Variants in BRMS1L observed in about 807,000 individuals in gnomAD.
The protein encoded by BRMS1L is breast cancer metastasis-suppressor 1-like protein.
A neutral mutation model predicts 50.3 loss-of-function variants in BRMS1L; 23 were observed. The ratio of observed to expected loss-of-function variants is 0.46; its 90% CI spans 0.33 to 0.65. The LOEUF is 0.65. Ranked by LOEUF, BRMS1L falls within the 30% of genes least tolerant of loss-of-function variation. The pLI, the probability that BRMS1L is intolerant of heterozygous loss-of-function variation, is 0.02. For missense variants in BRMS1L, 286 were observed against 386.1 expected (o/e 0.74, Z 2.17); for synonymous variants, 114 against 126.9 (o/e 0.90, Z 0.69).
chr14:35,849,806 A>G (rs1452181860), intron 4 of BRMS1L, among the ~76,000 whole-genome samples: 1 of 150,326 alleles, frequency 6.7e-6, no homozygotes, highest in Non-Finnish European at 1.5e-5. Flanking sequence ...GGAGTTGAAT[A>G]TTTTCTTTCT....
At chr14:35,862,229 C>A (rs548968552) in intron 4 of BRMS1L, among the ~76,000 whole-genome samples, 3 of 152,104 alleles carry the variant, frequency 2.0e-5, no homozygotes, top group East Asian at 3.9e-4. Flanking sequence ...TAATGATATA[C>A]TTTATAGGAT....
At chr14:35,847,993 T>C (rs1407053921) in intron 4 of BRMS1L, among the ~76,000 whole-genome samples, 1 of 152,228 alleles carries the variant, frequency 6.6e-6, no homozygotes, top group Non-Finnish European at 1.5e-5. Flanking sequence ...TTTGCTGTTA[T>C]AAATGGTGCT....
intron 3 of BRMS1L, among the ~76,000 whole-genome samples, chr14:35,834,168 G>T (rs1437307309): frequency 6.6e-6 from 1 of 152,016 alleles, no homozygotes; most frequent in East Asian, 1.9e-4. Context: ...ACATTTCTAG[G>T]GCCAACTATG....
chr14:35,854,064 G>A (rs1035381989), intron 4 of BRMS1L, among the ~76,000 whole-genome samples: 1 of 152,072 alleles, frequency 6.6e-6, no homozygotes, highest in African/African-American at 2.4e-5. Flanking sequence ...CAGTATTTTA[G>A]TTCCATCTTG....
intron 4 of BRMS1L, among the ~76,000 whole-genome samples, chr14:35,861,617 C>T (rs975905825): frequency 6.6e-6 from 1 of 152,170 alleles, no homozygotes; most frequent in African/African-American, 2.4e-5. Context: ...TCCTTAGCAC[C>T]TGGCTTGCCT....
Position 35,861,848 on chromosome 14 carries a change from C to G in BRMS1L, c.442-742C>G, listed in dbSNP as rs541864308. Reference sequence around the variant, plus strand: ...ATATCCAATTATCTAATATCCTTCACTAGAGGTAAACATGTGGCCATAGGT... The same window carrying G: ...ATATCCAATTATCTAATATCCTTCAGTAGAGGTAAACATGTGGCCATAGGT... On this transcript the variant is annotated intron_variant, in intron 4 of 9. Transcript: ENST00000216807. Among the ~76,000 whole-genome samples, 5 of 152,286 alleles carry G rather than the reference C, an allele frequency of 3.3e-5. No individual in the cohort carries two copies. The East Asian group carries it at 9.6e-4, about 29-fold the overall frequency.
At chr14:35,868,272 G>T (rs202171171) in intron 9 of BRMS1L, among the ~76,000 whole-genome samples, 2 of 152,282 alleles carry the variant, frequency 1.3e-5, no homozygotes, top group East Asian at 3.9e-4. Context: ...AAATTATTTA[G>T]CCAGGTAGCT....
chr14:35,844,426 C>T (rs995488017), intron 4 of BRMS1L, among the ~76,000 whole-genome samples: 1 of 152,154 alleles, frequency 6.6e-6, no homozygotes, highest in African/African-American at 2.4e-5. Flanking sequence ...CATGGCTCCC[C>T]TTGGCTAGGG....
chr14:35,833,064 C>T lies in BRMS1L; in HGVS notation c.320C>T (p.Ala107Val), dbSNP rs1367245192. 5.6e-6 allele frequency: 9 copies of T among 1,613,220 alleles called. No homozygotes were observed. Among genetic ancestry groups the T allele is most frequent in the Non-Finnish European group, 7.6e-6 (9 of 1,179,514 alleles). The change falls in exon 3 of 10, where the codon GCA becomes GTA. Residue 107 changes from alanine (A) to valine (V), a missense_variant. Coordinates refer to ENST00000216807, the MANE Select transcript of BRMS1L (RefSeq NM_032352.4). ...GKAPEYLEPLATLQENMQIRT... is the reference protein window; with the variant it reads ...GKAPEYLEPLVTLQENMQIRT... ...GCACCAGAATACTTGGAACCGCTGGCAACTTTACAGGAAAATATGCAAATT... is the reference window on the plus strand; with the variant it reads ...GCACCAGAATACTTGGAACCGCTGGTAACTTTACAGGAAAATATGCAAATT...
At chr14:35,831,050 C>T (rs756177610) in intron 1 of BRMS1L, among the ~76,000 whole-genome samples, 3 of 151,698 alleles carry the variant, frequency 2.0e-5, no homozygotes, top group Non-Finnish European at 4.4e-5. Context: ...AGGCGATCCT[C>T]CTGCCTCAGC....
In BRMS1L at chr14:35,871,195, T is replaced by C. The variant is rs963445703; in HGVS notation, c.*718T>C. 1 of 152,600 alleles carries C rather than the reference T, an allele frequency of 6.6e-6. No homozygotes were observed. The highest frequency in any genetic ancestry group is 1.5e-5 in the Non-Finnish European group (1 of 68,016). 9.5% of individuals were successfully genotyped at this position (152,600 alleles called of 1,614,324 possible). On this transcript the variant is annotated 3_prime_UTR_variant, in exon 10 of 10. Transcript: ENST00000216807. ...TCTACCTGTATTTCTAGTGACCCTT[T>C]AGCGGCAGGTATTTATACCTGGTAT...
At chr14:35,862,563 T>A in intron 4 of BRMS1L, 27 bp from the exon 5 acceptor site, 1 of 1,509,504 alleles carries the variant, frequency 6.6e-7, no homozygotes, top group Non-Finnish European at 8.9e-7. Context: ...TTCTTTCTAC[T>A]TAAGTATAAT....
intron 1 of BRMS1L, among the ~76,000 whole-genome samples, chr14:35,827,058 G>A (rs2077856215): frequency 6.6e-6 from 1 of 152,254 alleles, no homozygotes. Flanking sequence ...CCGGGACAGA[G>A]GGTCGGCTTA....
chr14:35,869,890 A>G (rs577902295), intron 9 of BRMS1L, among the ~76,000 whole-genome samples: 85 of 152,110 alleles, frequency 5.6e-4, no homozygotes, highest in African/African-American at 1.9e-3. Context: ...AGAATAAAAT[A>G]CAAATCTATT....
rs767382919 is a variant in BRMS1L at position 35,826,612 on chromosome 14, C to T, written c.96C>T (p.Asp32=). 5 of 1,612,188 alleles carry T rather than the reference C, an allele frequency of 3.1e-6. No homozygotes were observed. The South Asian group carries it at 5.5e-5, about 18-fold the overall frequency. Reference sequence around the variant, plus strand: ...AAAATGAGGGGAGCAGCTCCGAGGACGAGGACACTGAGAGCTCGTCGGTCT... The same window carrying T: ...AAAATGAGGGGAGCAGCTCCGAGGATGAGGACACTGAGAGCTCGTCGGTCT... ...YAENEGSSSE[D]EDTESSSVSE... Residue 32 remains aspartate, a synonymous_variant, in exon 1 of 10, where the codon GAC becomes GAT. Transcript: ENST00000216807.
chr14:35,847,731 C>T (rs889776742), intron 4 of BRMS1L, among the ~76,000 whole-genome samples: 32 of 152,270 alleles, frequency 2.1e-4, no homozygotes, highest in African/African-American at 6.5e-4. Flanking sequence ...TTTCCCCCTC[C>T]GCCACACCTG....
chr14:35,865,133 T>C, intron 7 of BRMS1L, 134 bp downstream of exon 7: 2 of 581,264 alleles, frequency 3.4e-6, no homozygotes, highest in Non-Finnish European at 2.9e-6. Flanking sequence ...TAAGGCAATT[T>C]AATACTATTA....
At chr14:35,835,050 A>T in intron 4 of BRMS1L, 127 bp downstream of exon 4, 1 of 467,786 alleles carries the variant, frequency 2.1e-6, no homozygotes, top group Non-Finnish European at 3.3e-6. Flanking sequence ...TTTGTGTGTG[A>T]TTAAAAAAAA....
intron 4 of BRMS1L, among the ~76,000 whole-genome samples, chr14:35,846,488 C>T (rs1380342226): frequency 6.6e-6 from 1 of 151,652 alleles, no homozygotes; most frequent in Non-Finnish European, 1.5e-5. Flanking sequence ...CAGTGTGAAA[C>T]AATTCTTTAG....
Sources: allele counts gnomAD v4.1 joint callset (sites outside exome capture counted in the v4.1 genomes callset), GRCh38; gene constraint gnomAD v4.1.1; transcripts MANE v1.5; gene names NCBI Gene and HGNC (gene_info 2026-07-23, HGNC 2026-07-21).